Variants in ACSL6 observed in about 807,000 individuals in gnomAD.
ACSL6 encodes the protein acyl-CoA synthetase long chain family member 6.
A neutral mutation model predicts 98.2 loss-of-function variants in ACSL6; 47 were observed. That is an observed-to-expected ratio of 0.48 (90% CI 0.38 to 0.61). The LOEUF is 0.61. Among genes scored for constraint, ACSL6 ranks in the 20% least tolerant of loss-of-function variants. The pLI, the probability that ACSL6 is intolerant of heterozygous loss-of-function variation, is 0.00. For missense variants in ACSL6, 761 were observed against 913.4 expected (o/e 0.83, Z 2.15); for synonymous variants, 362 against 336.9 (o/e 1.07, Z -0.82).
intron 17 of ACSL6, among the ~76,000 whole-genome samples, chr5:131,965,604 C>G (rs537059321): frequency 1.3e-5 from 2 of 152,188 alleles, no homozygotes; most frequent in African/African-American, 4.8e-5. Context: ...CACCTGTAGT[C>G]CCAGCTGCTG....
At position 132,011,533 on chromosome 5, in the gene ACSL6, C is replaced by T. The variant is rs370717621; in HGVS notation, c.21G>A (p.Val7=). The change falls in exon 1 of 21, where the codon GTG becomes GTA. Residue 7 remains valine, a synonymous_variant. Coordinates refer to ENST00000651883, the MANE Select transcript of ACSL6 (RefSeq NM_001009185.3). This position sits in a 1 kb window ranked among gnomAD's most constrained non-coding sequence, Gnocchi z 5.4. ...CGAATAGCCAGAGGGAGCCCCCCGA[C>T]ACGAGGAAGAAGGTCAGCATGGCGG... The part of the protein sequence containing the change: MLTFFL[V]SGGSLWLFVE... 1.2e-6 allele frequency: 2 copies of T among 1,603,836 alleles called. No individual in the cohort carries two copies. Among genetic ancestry groups the T allele is most frequent in the African/African-American group, 1.4e-5 (1 of 73,714 alleles).
intron 1 of ACSL6, among the ~76,000 whole-genome samples, chr5:132,000,068 A>T (rs977285797): frequency 3.9e-5 from 6 of 152,032 alleles, no homozygotes; most frequent in Non-Finnish European, 7.4e-5. Context: ...GCTCTCTGGC[A>T]CTGAGGGCGA....
At chr5:131,965,373 G>C (rs963729442) in intron 17 of ACSL6, among the ~76,000 whole-genome samples, 3 of 152,170 alleles carry the variant, frequency 2.0e-5, no homozygotes, top group Non-Finnish European at 4.4e-5. Flanking sequence ...AATCTCATTT[G>C]TTCCTCACAA....
chr5:131,975,508 CT>C lies in ACSL6; in HGVS notation c.991-539del, dbSNP rs1753569284. On this transcript the variant is annotated intron_variant, in intron 10 of 20. Transcript: ENST00000651883. ...TGCAGAGAAAGGGGCCCAGAGACTC[CT>C]AAGTCTATGCAACTGTGGCTGGGGT... 3.0e-6 allele frequency: 3 copies of C among 985,220 alleles called. No individual in the cohort carries two copies. In the Admixed American group the frequency reaches 1.8e-4, roughly 61 times the overall value. The allele number at this position is 985,220 out of a possible 1,614,324, so 61.0% of individuals were successfully genotyped here. A position where few individuals can be genotyped will look rare whatever the true frequency, so the allele number is the denominator to read the frequency against.
At chr5:131,973,123 A>G in intron 12 of ACSL6, 143 bp downstream of exon 12, 1 of 1,182,832 alleles carries the variant, frequency 8.5e-7, no homozygotes, top group Non-Finnish European at 1.2e-6. Flanking sequence ...AAGAATGAGA[A>G]AGAGTCAGGA....
rs1316387024 is a variant in ACSL6, at chr5:131,950,970, C to A, written c.*3264G>T. ...TTTCTGAGTTTATGAGTTCCTAATA[C>A]ATGGGGCTAGGCCTACACACTATAC... On this transcript the variant is annotated 3_prime_UTR_variant, in exon 21 of 21. Coordinates refer to ENST00000651883, the MANE Select transcript of ACSL6 (RefSeq NM_001009185.3). 1.6e-5 allele frequency: 3 copies of A among 193,474 alleles called. No homozygotes were observed. Among genetic ancestry groups the A allele is most frequent in the Non-Finnish European group, 3.2e-5 (3 of 92,694 alleles). 12.0% of individuals were successfully genotyped at this position (193,474 alleles called of 1,614,324 possible). A position where few individuals can be genotyped will look rare whatever the true frequency, so the allele number is the denominator to read the frequency against.
chr5:131,963,733 T>C (rs1752862223), intron 17 of ACSL6, among the ~76,000 whole-genome samples: 1 of 152,042 alleles, frequency 6.6e-6, no homozygotes, highest in South Asian at 2.1e-4. Context: ...ACACACTCTG[T>C]CTCCACTCCA....
Position 131,970,196 on chromosome 5 carries a change from T to C in ACSL6, c.1439A>G (p.Tyr480Cys). Residue 480 changes from tyrosine (Y) to cysteine (C), a missense_variant, in exon 15 of 21, where the codon TAT becomes TGT. Transcript: ENST00000651883. ...FLRAALGCQV[Y>C]EGYGQTECTA... is the part of the protein sequence containing the mutation. ...GCACTCAGTTTGGCCATAACCTTCA[T>C]AAACCTTCAAACAAAACACAGAAGC... The C allele has an allele frequency of 6.2e-7, 1 of 1,614,004 alleles. No homozygotes were observed. Among genetic ancestry groups the C allele is most frequent in the Non-Finnish European group, 8.5e-7 (1 of 1,179,992 alleles).
At chr5:131,988,259 G>A (rs199895776) in intron 6 of ACSL6, 33 bp from the exon 7 acceptor site, 752 of 1,609,570 alleles carry the variant, frequency 4.7e-4, no homozygotes, top group Non-Finnish European at 6.0e-4. Context: ...GTCAGGCCAT[G>A]TGGGCCCAGG....
chr5:132,001,196 T>G (rs1159544699), intron 1 of ACSL6, among the ~76,000 whole-genome samples: 1 of 152,176 alleles, frequency 6.6e-6, no homozygotes, highest in Admixed American at 6.5e-5. Flanking sequence ...CAGTGGTCTG[T>G]GGGAAATCCC....
intron 20 of ACSL6, among the ~76,000 whole-genome samples, chr5:131,957,942 G>T (rs552761835): frequency 8.5e-5 from 13 of 152,294 alleles, no homozygotes; most frequent in African/African-American, 3.1e-4. Flanking sequence ...AAAACTAAAG[G>T]CCTCTGAGAT....
chr5:131,987,273 G>A (rs968696689), intron 7 of ACSL6, among the ~76,000 whole-genome samples: 1 of 152,236 alleles, frequency 6.6e-6, no homozygotes, highest in Non-Finnish European at 1.5e-5. Context: ...CCGAGTGTGA[G>A]CATGTTGGGT....
chr5:131,960,831 G>A, intron 18 of ACSL6: 1 of 464,192 alleles, frequency 2.2e-6, no homozygotes, highest in Non-Finnish European at 3.8e-6. Context: ...AAAAAATAAG[G>A]ACATTAAGAA....
chr5:131,992,229 T>C (rs1301059481), intron 2 of ACSL6, among the ~76,000 whole-genome samples: 1 of 152,044 alleles, frequency 6.6e-6, no homozygotes, highest in Non-Finnish European at 1.5e-5. Flanking sequence ...CAGATCGCAA[T>C]GGTTGGGGAG....
chr5:131,990,213 G>A, intron 3 of ACSL6, 49 bp from the exon 4 acceptor site: 1 of 1,589,312 alleles, frequency 6.3e-7, no homozygotes, highest in Non-Finnish European at 8.6e-7. Flanking sequence ...CAGAGTGGGT[G>A]TGCCACCTGC....
intron 8 of ACSL6, among the ~76,000 whole-genome samples, chr5:131,986,262 G>A (rs1032001855): frequency 4.6e-5 from 7 of 152,212 alleles, no homozygotes; most frequent in African/African-American, 1.4e-4. Flanking sequence ...GCTCAGGCCT[G>A]TGTGAAGGGA....
chr5:131,974,697 A>G (rs891296829), intron 11 of ACSL6, 196 bp downstream of exon 11: 1 of 1,547,158 alleles, frequency 6.5e-7, no homozygotes, highest in African/African-American at 1.4e-5. Flanking sequence ...GTGACAAGTG[A>G]CACCCGCTAG....
upstream of ACSL6, chr5:132,012,029 C>A: frequency 7.2e-7 from 1 of 1,393,356 alleles, no homozygotes; most frequent in Non-Finnish European, 9.6e-7. Context: ...TGCCCCCGCG[C>A]GACTCGCAGC....
chr5:131,986,441 G>A (rs1476103756), intron 8 of ACSL6, among the ~76,000 whole-genome samples: 1 of 152,236 alleles, frequency 6.6e-6, no homozygotes, highest in Non-Finnish European at 1.5e-5. Context: ...GATGAACAAA[G>A]ACAGCAGATG....
Sources: gnomAD v4.1 joint callset for allele counts (sites outside exome capture counted in the v4.1 genomes callset) on GRCh38, gnomAD v4.1.1 for gene constraint, Gnocchi (gnomAD v3.1) non-coding constraint, MANE v1.5 for transcripts, NCBI Gene and HGNC (gene_info 2026-07-23, HGNC 2026-07-21) for gene names.